TANC2: variants seen among roughly 807,000 people sequenced by gnomAD.
The protein encoded by TANC2 is tetratricopeptide repeat, ankyrin repeat and coiled-coil containing 2, also known as protein TANC2.
Under a neutral mutation model 210.5 loss-of-function variants are expected in TANC2, and 26 were observed. The observed-to-expected ratio is 0.12, with a 90% CI of 0.09 to 0.17. The LOEUF (loss-of-function observed/expected upper bound fraction) is 0.17, where lower values mean the gene tolerates loss of function less well. TANC2 is among the 10% of genes least tolerant of loss of function. The pLI, the probability that TANC2 is intolerant of heterozygous loss-of-function variation, is 1.00. For synonymous variants in TANC2, 931 were observed against 967.1 expected (o/e 0.96, Z 0.69); for missense variants, 2,129 against 2,608.9 (o/e 0.82, Z 4.01).
intron 1 of TANC2, among the ~76,000 whole-genome samples, chr17:63,005,924 G>C (rs2033607196): frequency 6.6e-6 from 1 of 151,030 alleles, no homozygotes; most frequent in African/African-American, 2.4e-5. Flanking sequence ...GTGTGTGTGT[G>C]TGTGTGTGTG....
In TANC2 at chr17:63,354,823, A is replaced by T; in HGVS notation, c.2015A>T (p.Asp672Val). 6.3e-7 allele frequency: 1 copy of T among 1,580,690 alleles called. No homozygotes were observed. Among genetic ancestry groups the T allele is most frequent in the Non-Finnish European group, 8.6e-7 (1 of 1,168,508 alleles). The change falls in exon 14 of 28, where the codon GAT (aspartate) becomes GTT (valine). Residue 672 changes from aspartate to valine, a missense_variant. Coordinates refer to ENST00000689528, the Ensembl canonical transcript of TANC2. ...CTGCCTTTCCATAGGATTTTTTTGG[A>T]TCGACTAGAAGAGAATGAAGCCATA...
intron 12 of TANC2, among the ~76,000 whole-genome samples, chr17:63,341,657 A>C (rs769281961): frequency 6.6e-5 from 10 of 152,250 alleles, no homozygotes; most frequent in Admixed American, 5.9e-4. Context: ...GCTGAATTTT[A>C]AGTACACTTC....
At chr17:63,098,468 ACACACACACACATACACT>A (rs766072822) in intron 3 of TANC2, among the ~76,000 whole-genome samples, 3 of 37,868 alleles carry the variant, frequency 7.9e-5, no homozygotes, top group African/African-American at 3.8e-4. Flanking sequence ...ACACACACAC[ACACACACACACATACACT>A]CTCTCTCTCT....
chr17:63,305,972 C>T (rs977406522), intron 9 of TANC2, among the ~76,000 whole-genome samples: 2 of 152,146 alleles, frequency 1.3e-5, no homozygotes, highest in African/African-American at 2.4e-5. Flanking sequence ...TACAGAAAGC[C>T]GTCAGAACCT....
At chr17:63,165,430 T>C (rs1279468265) in intron 5 of TANC2, among the ~76,000 whole-genome samples, 1 of 152,216 alleles carries the variant, frequency 6.6e-6, no homozygotes, top group East Asian at 1.9e-4. Context: ...TTCATCCTTG[T>C]CTTCCAACAG....
intron 5 of TANC2, among the ~76,000 whole-genome samples, chr17:63,192,760 A>G (rs747526544): frequency 1.3e-5 from 2 of 152,258 alleles, no homozygotes; most frequent in African/African-American, 2.4e-5. Flanking sequence ...TTAAGCTAAT[A>G]TATGTAAAGT....
chr17:63,385,294 A>T (rs1432908157), intron 15 of TANC2, among the ~76,000 whole-genome samples: 1 of 152,132 alleles, frequency 6.6e-6, no homozygotes, highest in Non-Finnish European at 1.5e-5. Flanking sequence ...ATTCGTTAAT[A>T]TAGTTTATCA....
chr17:62,969,399 T>A (rs1444054147), intron 1 of TANC2, among the ~76,000 whole-genome samples: 1 of 152,142 alleles, frequency 6.6e-6, no homozygotes, highest in Non-Finnish European at 1.5e-5. Context: ...GCCCTCTCAC[T>A]CAAGGTAGTA....
exon 28 of TANC2, chr17:63,422,117 G>A: frequency 1.1e-6 from 1 of 881,932 alleles, no homozygotes. Context: ...CAGCCGACTG[G>A]GAAGCGGCCT....
chr17:63,113,513 A>G (rs2038133356), intron 4 of TANC2, among the ~76,000 whole-genome samples: 1 of 152,000 alleles, frequency 6.6e-6, no homozygotes, highest in Admixed American at 6.6e-5. Flanking sequence ...CATTTTACTT[A>G]TTTTTTTCTT....
chr17:63,334,157 A>G (rs1041963563), intron 11 of TANC2: 2 of 152,208 alleles, frequency 1.3e-5, no homozygotes, highest in Non-Finnish European at 2.9e-5. Flanking sequence ...CATCAATACA[A>G]TAATCACAAC....
At chr17:63,129,676 T>G (rs2038846449) in intron 4 of TANC2, among the ~76,000 whole-genome samples, 1 of 152,220 alleles carries the variant, frequency 6.6e-6, no homozygotes, top group African/African-American at 2.4e-5. Flanking sequence ...GAAAGTTGGC[T>G]TCATATCTAT....
intron 25 of TANC2, among the ~76,000 whole-genome samples, chr17:63,414,756 G>A (rs1209602080): frequency 6.6e-6 from 1 of 152,164 alleles, no homozygotes; most frequent in Non-Finnish European, 1.5e-5. Context: ...AGTGGATAAA[G>A]ATCAGCTAAA....
At position 63,169,771 on chromosome 17, in the gene TANC2, G is replaced by A. The variant is rs147938622; in HGVS notation, c.433+18391G>A. On this transcript the variant is annotated intron_variant, in intron 5 of 27. Coordinates refer to ENST00000689528, the Ensembl canonical transcript of TANC2. ...GGAGATTACAGTGAGTCAAGATCCC[G>A]CTATTGCACTCCAGCCTGGCAACAA... 2.4e-3 allele frequency among the ~76,000 whole-genome samples: 359 copies of A among 151,774 alleles called. 3 individuals carry two copies. Among genetic ancestry groups the A allele is most frequent in the African/African-American group, 8.6e-3 (354 of 41,388 alleles).
chr17:62,981,738 A>G lies in TANC2; in HGVS notation c.-24+14989A>G, dbSNP rs187452223. Reference sequence around the variant, plus strand: ...TCAGAGGCACCCTCATTTTTGAGCAACTAGCTAAAATTTAGGGATTCTTGC... The same window carrying G: ...TCAGAGGCACCCTCATTTTTGAGCAGCTAGCTAAAATTTAGGGATTCTTGC... On this transcript the variant is annotated intron_variant, in intron 1 of 27. Transcript: ENST00000689528. Among the ~76,000 whole-genome samples the G allele has an allele frequency of 1.2e-3, 190 of 152,300 alleles. 1 individual carries two copies. Among genetic ancestry groups the G allele is most frequent in the African/African-American group, 4.4e-3 (181 of 41,578 alleles).
chr17:63,377,764 C>T (rs1598978350), intron 14 of TANC2, among the ~76,000 whole-genome samples: 3 of 152,302 alleles, frequency 2.0e-5, no homozygotes, highest in Admixed American at 2.0e-4. Flanking sequence ...AGTCCATTCT[C>T]ACACTGCTGT....
intron 25 of TANC2, 87 bp from the exon 26 acceptor site, chr17:63,415,441 G>A (rs2048828086): frequency 6.5e-7 from 1 of 1,532,902 alleles, no homozygotes; most frequent in Non-Finnish European, 8.8e-7. Context: ...AGTAACAGCT[G>A]CTGAGAAGAA....
intron 2 of TANC2, among the ~76,000 whole-genome samples, chr17:63,043,938 T>C (rs1020351543): frequency 1.3e-5 from 2 of 152,170 alleles, no homozygotes; most frequent in Non-Finnish European, 2.9e-5. Flanking sequence ...TCAAGCCCAG[T>C]TGATTAAAAC....
chr17:63,343,689 G>A (rs2046311396), intron 12 of TANC2, among the ~76,000 whole-genome samples: 1 of 152,120 alleles, frequency 6.6e-6, no homozygotes, highest in Non-Finnish European at 1.5e-5. Flanking sequence ...AGGATCACTT[G>A]AGCCTAGAAT....
Sources: gnomAD v4.1 joint callset for allele counts (sites outside exome capture counted in the v4.1 genomes callset) on GRCh38, gnomAD v4.1.1 for gene constraint, MANE v1.5 for transcripts, NCBI Gene and HGNC (gene_info 2026-07-23, HGNC 2026-07-21) for gene names.